LILRA1: variants seen among roughly 807,000 people sequenced by gnomAD.
The protein encoded by LILRA1 is leukocyte immunoglobulin-like receptor subfamily A member 1.
Under a neutral mutation model 51.6 loss-of-function variants are expected in LILRA1, and 51 were observed. The ratio of observed to expected loss-of-function variants is 0.99; its 90% CI spans 0.79 to 1.25. The LOEUF is 1.25. LILRA1 is among the 50% of genes most tolerant of loss of function. The pLI is 0.00. For synonymous variants in LILRA1, 305 were observed against 248.4 expected (o/e 1.23, Z -2.14); for missense variants, 660 against 611.7 (o/e 1.08, Z -0.83).
At chr19:54,594,169 TTCTC>T (rs1167107951) in intron 1 of LILRA1, 24 bp from the exon 2 acceptor site, 1 of 1,095,392 alleles carries the variant, frequency 9.1e-7, no homozygotes, top group East Asian at 2.3e-5. Flanking sequence ...GGGAGGCTAT[TTCTC>T]TCTGTGTGTC....
Position 54,595,290 on chromosome 19 carries a change from TG to T in LILRA1, c.550del (p.Val184TrpfsTer4). ...ATGGGTGGTCCCGGGCCATCTTCTC[TG>T]TGGGCCCCGTGAGCCCGAGTCGCAG... ...THGWSRAIFS[V>X]GPVSPSRRWS... On this transcript the variant is annotated frameshift_variant, in exon 5 of 10. Coordinates refer to ENST00000251372, the MANE Select transcript of LILRA1 (RefSeq NM_006863.4). LOFTEE classifies it high-confidence loss of function. 2 of 1,606,116 alleles carry T rather than the reference TG, an allele frequency of 1.2e-6. No individual in the cohort carries two copies. The highest frequency in any genetic ancestry group is 1.7e-6 in the Non-Finnish European group (2 of 1,177,116).
At chr19:54,598,432 C>T (rs760045539) in intron 7 of LILRA1, among the ~76,000 whole-genome samples, 3 of 152,030 alleles carry the variant, frequency 2.0e-5, no homozygotes, top group Non-Finnish European at 2.9e-5. Flanking sequence ...CACAATGGCC[C>T]GAGCGAAACT....
intron 7 of LILRA1, among the ~76,000 whole-genome samples, chr19:54,597,941 G>T (rs1206333997): frequency 6.6e-6 from 1 of 151,606 alleles, no homozygotes; most frequent in East Asian, 2.0e-4. Flanking sequence ...GTGAGCACAG[G>T]AGGGGCCGTG....
In LILRA1 at chr19:54,594,770, G is replaced by C. The variant is rs140932075; in HGVS notation, c.176G>C (p.Arg59Pro). Residue 59 changes from arginine to proline, a missense_variant, in exon 4 of 10, where the codon CGT (arginine) becomes CCT (proline). Coordinates refer to ENST00000251372, the MANE Select transcript of LILRA1 (RefSeq NM_006863.4). ...CQGILETQEYRLYREKKTAPW... is the reference protein window; with the variant it reads ...CQGILETQEYPLYREKKTAPW... ...GGGATCCTGGAGACCCAGGAGTACC[G>C]TCTGTATAGAGAAAAGAAAACAGCA... is the stretch of plus-strand genomic sequence containing the variant. 1 of 1,447,702 alleles carries C rather than the reference G, an allele frequency of 6.9e-7. No homozygotes were observed. Among genetic ancestry groups the C allele is most frequent in the Non-Finnish European group, 9.3e-7 (1 of 1,074,896 alleles). 89.7% of individuals were successfully genotyped at this position (1,447,702 alleles called of 1,614,324 possible).
chr19:54,600,510 A>G lies in LILRA1; in HGVS notation c.1313-2A>G. ...GCTCTTCCCCTCTGTTTTTATTCTC[A>G]GGAGCAGCTAACACCCTCAGCCCAT... On this transcript the variant is annotated splice_acceptor_variant, in intron 8 of 9. Transcript: ENST00000251372. LOFTEE classifies it high-confidence loss of function. 8.7e-6 allele frequency: 14 copies of G among 1,614,086 alleles called. No individual in the cohort carries two copies. Among genetic ancestry groups the G allele is most frequent in the Non-Finnish European group, 1.2e-5 (14 of 1,180,002 alleles).
At chr19:54,595,511 GA>G in intron 5 of LILRA1, 109 bp downstream of exon 5, 1 of 1,540,286 alleles carries the variant, frequency 6.5e-7, no homozygotes, top group Non-Finnish European at 8.7e-7. Flanking sequence ...ATGTTGGGGC[GA>G]GAGGGCTCAG....
intron 7 of LILRA1, 150 bp from the exon 8 acceptor site, chr19:54,599,086 G>T (rs1401063563): frequency 4.2e-6 from 4 of 962,808 alleles, no homozygotes; most frequent in Non-Finnish European, 4.2e-6. Context: ...GAGCCACTGT[G>T]CCTGGCCTGA....
At chr19:54,600,255 G>A (rs2063140331) in intron 8 of LILRA1, among the ~76,000 whole-genome samples, 1 of 152,142 alleles carries the variant, frequency 6.6e-6, no homozygotes, top group Non-Finnish European at 1.5e-5. Flanking sequence ...AGTGACTTCT[G>A]TATTCCTTTG....
In LILRA1 at chr19:54,597,646, G is replaced by A. The variant is rs147635817; in HGVS notation, c.1261+1155G>A. On this transcript the variant is annotated intron_variant, in intron 7 of 9. Coordinates refer to ENST00000251372, the MANE Select transcript of LILRA1 (RefSeq NM_006863.4). ...GGGCTGATGGAGGAGGAACAGAGGC[G>A]GGCGAGTTGGAAAGAGGACAGACAG... Among the ~76,000 whole-genome samples, 47 of 151,780 alleles carry A rather than the reference G, an allele frequency of 3.1e-4. No individual in the cohort carries two copies. The East Asian group carries it at 7.3e-3, about 24-fold the overall frequency.
At chr19:54,600,025 G>A (rs1439884993) in intron 8 of LILRA1, among the ~76,000 whole-genome samples, 2 of 152,172 alleles carry the variant, frequency 1.3e-5, no homozygotes, top group African/African-American at 2.4e-5. Flanking sequence ...GAGATTAAAT[G>A]GAAGATGAAA....
intron 8 of LILRA1, chr19:54,599,585 T>C (rs1442091531): frequency 5.4e-6 from 6 of 1,117,590 alleles, no homozygotes; most frequent in African/African-American, 1.7e-5. Context: ...AATTTACTAA[T>C]ACAATTTGTA....
At position 54,595,165 on chromosome 19, in the gene LILRA1, A is replaced by G. The variant is rs2063007832; in HGVS notation, c.424A>G (p.Thr142Ala). The G allele has an allele frequency of 6.8e-6, 11 of 1,613,988 alleles. No homozygotes were observed. The highest frequency in any genetic ancestry group is 8.5e-6 in the Non-Finnish European group (10 of 1,179,976). Residue 142 changes from threonine to alanine, a missense_variant, in exon 5 of 10, where the codon ACC becomes GCC. By Grantham distance (58) the Thr-to-Ala change is moderately conservative (BLOSUM62 0). Transcript: ENST00000251372. ...TGTGGTGACCTCAGGAGGGAACGTGACCCTCCATTGTGTCTCACAGGTGGC... is the reference window on the plus strand; with the variant it reads ...TGTGGTGACCTCAGGAGGGAACGTGGCCCTCCATTGTGTCTCACAGGTGGC... The part of the protein sequence containing the change: ...SPVVTSGGNV[T>A]LHCVSQVAFG...
In LILRA1 at chr19:54,596,299, C is replaced by A. The variant is rs1411766777; in HGVS notation, c.1069C>A (p.Leu357Met). 6.2e-7 allele frequency: 1 copy of A among 1,612,906 alleles called. No homozygotes were observed. The highest frequency in any genetic ancestry group is 8.5e-7 in the Non-Finnish European group (1 of 1,179,700). The change falls in exon 7 of 10, where the codon CTG becomes ATG. Residue 357 changes from leucine to methionine, a missense_variant. Coordinates refer to ENST00000251372, the MANE Select transcript of LILRA1 (RefSeq NM_006863.4). ...ATGGGGGCCGTTCCACACTTTCCTT[C>A]TGACCAAGGCGGGAGCAGCTGATGC... ...QSWGPFHTFL[L>M]TKAGAADAPL...
At chr19:54,598,922 A>C (rs1205042901) in intron 7 of LILRA1, among the ~76,000 whole-genome samples, 2 of 151,966 alleles carry the variant, frequency 1.3e-5, no homozygotes, top group Non-Finnish European at 2.9e-5. Context: ...CAGCCTCCCG[A>C]GTAGCTGGGA....
chr19:54,594,307 T>C (rs776150035), intron 2 of LILRA1, 29 bp downstream of exon 2: 54 of 1,612,954 alleles, frequency 3.3e-5, no homozygotes, highest in Non-Finnish European at 4.5e-5. Flanking sequence ...GGGGAGCTTC[T>C]AACCTAGGAG....
rs753513681 is a variant in LILRA1 at position 54,595,802 on chromosome 19, T to C, written c.825T>C (p.Ala275=). 9 of 1,614,202 alleles carry C rather than the reference T, an allele frequency of 5.6e-6. No homozygotes were observed. Among genetic ancestry groups the C allele is most frequent in the Non-Finnish European group, 1.7e-6 (2 of 1,180,008 alleles). ...FLQLPGPQPQ[A]GLSQANFTLG... ...AGCTCCCTGGCCCACAGCCCCAGGC[T>C]GGGCTCTCCCAGGCCAACTTCACCC... Residue 275 remains alanine (A), a synonymous_variant, in exon 6 of 10, where the codon GCT becomes GCC. Coordinates refer to ENST00000251372, the MANE Select transcript of LILRA1 (RefSeq NM_006863.4).
chr19:54,601,146 T>A lies in LILRA1; in HGVS notation c.*329T>A. ...AGCGTTGGGTCCACACCTCTGCACA[T>A]CTGTGTGCTCTGGTCCATGGTGTGT... On this transcript the variant is annotated 3_prime_UTR_variant, in exon 10 of 10. Transcript: ENST00000251372. 1 of 430,996 alleles carries A rather than the reference T, an allele frequency of 2.3e-6. No homozygotes were observed. The highest frequency in any genetic ancestry group is 4.6e-5 in the East Asian group (1 of 21,736). 26.7% of individuals were successfully genotyped at this position (430,996 alleles called of 1,614,324 possible). A position where few individuals can be genotyped will look rare whatever the true frequency, so the allele number is the denominator to read the frequency against.
In LILRA1 at chr19:54,595,759, G is replaced by A. The variant is rs779922218; in HGVS notation, c.782G>A (p.Gly261Glu). 8 of 1,614,132 alleles carry A rather than the reference G, an allele frequency of 5.0e-6. No homozygotes were observed. The highest frequency in any genetic ancestry group is 1.7e-5 in the Admixed American group (1 of 60,022). Reference sequence around the variant, plus strand: ...GACAGATTTGTTCTGTATAAGGAGGGAGAACGTGACTTCCTCCAGCTCCCT... The same window carrying A: ...GACAGATTTGTTCTGTATAAGGAGGAAGAACGTGACTTCCTCCAGCTCCCT... ...SYDRFVLYKE[G>E]ERDFLQLPGP... is the part of the protein sequence containing the mutation. Residue 261 changes from glycine to glutamate, a missense_variant, in exon 6 of 10, where the codon GGA becomes GAA. Transcript: ENST00000251372.
At position 54,595,945 on chromosome 19, in the gene LILRA1, C is replaced by T. The variant is rs373569755; in HGVS notation, c.958+10C>T. 6.2e-7 allele frequency: 1 copy of T among 1,611,824 alleles called. No homozygotes were observed. The highest frequency in any genetic ancestry group is 1.3e-5 in the African/African-American group (1 of 74,854). ...GACATCCTGATCGCAGGTGAGGAGC[C>T]CAGCGGGTTCAGTCAGGGACACAGG... On this transcript the variant is annotated intron_variant, in intron 6 of 9. Transcript: ENST00000251372.
Sources: gnomAD v4.1 joint callset for allele counts (sites outside exome capture counted in the v4.1 genomes callset) on GRCh38, gnomAD v4.1.1 for gene constraint, MANE v1.5 for transcripts, NCBI Gene and HGNC (gene_info 2026-07-23, HGNC 2026-07-21) for gene names.